The following C3orf52 variants were observed in gnomAD, a reference collection of about 807,000 sequenced individuals.
C3orf52 encodes the protein chromosome 3 open reading frame 52.
Under a neutral mutation model 24.8 loss-of-function variants are expected in C3orf52, and 22 were observed. That is an observed-to-expected ratio of 0.89 (90% confidence interval 0.63 to 1.27). C3orf52 has a LOEUF of 1.27. Ranked by LOEUF, C3orf52 falls within the 50% of genes most tolerant of loss-of-function variation. The probability of loss-of-function intolerance (pLI) is 0.00; values close to 1 mark genes in which losing one functional copy is unlikely to be tolerated. For synonymous variants in C3orf52, 93 were observed against 100.2 expected, an observed-to-expected ratio of 0.93 and a Z score of 0.43; for missense variants, 265 against 260.7, an observed-to-expected ratio of 1.02 and a Z score of -0.11.
At chr3:112,110,285 C>T (rs748937999) in intron 4 of C3orf52, among the ~76,000 whole-genome samples, 1 of 151,616 alleles carries the variant, frequency 6.6e-6, no homozygotes, top group Non-Finnish European at 1.5e-5. Context: ...GCCGAGATTG[C>T]GCCACTGCAC....
At chr3:112,093,609 A>T in intron 2 of C3orf52, 120 bp downstream of exon 2, 1 of 986,710 alleles carries the variant, frequency 1.0e-6, no homozygotes, top group South Asian at 1.8e-5. Flanking sequence ...TGAATTTAAG[A>T]CCGGCTTGGA....
In C3orf52 at chr3:112,093,456, A is replaced by C; in HGVS notation, c.235A>C (p.Thr79Pro). Residue 79 changes from threonine to proline, a missense_variant, in exon 2 of 6, where the codon ACA becomes CCA. Transcript: ENST00000264848. ...CACCTCCATTTTCCTAGGTGTCATTACAGTGATCATCATAGGCTTATGTCT... is the reference window on the plus strand; with the variant it reads ...CACCTCCATTTTCCTAGGTGTCATTCCAGTGATCATCATAGGCTTATGTCT... Reference protein sequence around the residue: ...IITSIFLGVITVIIIGLCLAA... With the variant: ...IITSIFLGVIPVIIIGLCLAA... 1.2e-6 allele frequency: 2 copies of C among 1,613,886 alleles called. No individual in the cohort carries two copies. Among genetic ancestry groups the C allele is most frequent in the South Asian group, 2.2e-5 (2 of 91,070 alleles).
intron 2 of C3orf52, among the ~76,000 whole-genome samples, chr3:112,096,896 CA>C (rs1436437557): frequency 6.6e-6 from 1 of 152,168 alleles, no homozygotes; most frequent in Non-Finnish European, 1.5e-5. Flanking sequence ...TGAAGAATGA[CA>C]AATTCAGGAT....
chr3:112,092,302 G>A (rs1316027435), intron 1 of C3orf52, among the ~76,000 whole-genome samples: 1 of 152,240 alleles, frequency 6.6e-6, no homozygotes, highest in Non-Finnish European at 1.5e-5. Context: ...AAGCCACCTT[G>A]CCTTTAAGTG....
At chr3:112,094,588 T>A (rs1269238201) in intron 2 of C3orf52, among the ~76,000 whole-genome samples, 2 of 152,234 alleles carry the variant, frequency 1.3e-5, no homozygotes, top group Non-Finnish European at 2.9e-5. Flanking sequence ...ATTTTGATAT[T>A]ATGTTTAGAT....
intron 1 of C3orf52, among the ~76,000 whole-genome samples, chr3:112,092,687 A>AC (rs1005687229): frequency 6.6e-6 from 1 of 151,652 alleles, no homozygotes; most frequent in Non-Finnish European, 1.5e-5. Context: ...GTTTTCATTG[A>AC]CCCCTCCTCT....
At chr3:112,086,616 G>T in intron 1 of C3orf52, 71 bp downstream of exon 1, 2 of 1,494,864 alleles carry the variant, frequency 1.3e-6, no homozygotes, top group Non-Finnish European at 1.8e-6. Flanking sequence ...CCTGGCACCC[G>T]CGAGTTTCGG....
intron 4 of C3orf52, chr3:112,112,692 T>C (rs1364263850): frequency 4.6e-6 from 2 of 439,416 alleles, no homozygotes; most frequent in East Asian, 9.9e-5. Context: ...GATGGGCACC[T>C]CTACCTCTAC....
At chr3:112,088,791 T>A (rs2107772468) in intron 1 of C3orf52, among the ~76,000 whole-genome samples, 1 of 152,378 alleles carries the variant, frequency 6.6e-6, no homozygotes, top group Admixed American at 6.5e-5. Flanking sequence ...TTAGGTAATT[T>A]ATAATTAGGC....
At chr3:112,113,891 G>A (rs905593503) in intron 5 of C3orf52, among the ~76,000 whole-genome samples, 1 of 152,158 alleles carries the variant, frequency 6.6e-6, no homozygotes, top group Non-Finnish European at 1.5e-5. Flanking sequence ...GGCCTTTGCT[G>A]CTGATCTCAC....
chr3:112,113,986 A>G (rs940231296), intron 5 of C3orf52, among the ~76,000 whole-genome samples: 7 of 152,206 alleles, frequency 4.6e-5, no homozygotes, highest in African/African-American at 1.7e-4. Flanking sequence ...TCTCATCCAC[A>G]GTCCATCAGA....
intron 5 of C3orf52, among the ~76,000 whole-genome samples, chr3:112,116,298 C>T (rs889008506): frequency 2.0e-5 from 3 of 152,020 alleles, no homozygotes; most frequent in African/African-American, 4.8e-5. Context: ...ATATTTTACA[C>T]GTTTTAAAAA....
Position 112,093,313 on chromosome 3 carries a change from C to T in C3orf52, c.139-47C>T, listed in dbSNP as rs114067758. On this transcript the variant is annotated intron_variant, in intron 1 of 5. Coordinates refer to ENST00000264848, the MANE Select transcript of C3orf52 (RefSeq NM_024616.3). The stretch of plus-strand genomic sequence containing the variant: ...GCACATCCTAGGTATTCAGAACTGT[C>T]TGTTGCAACACAATGACTGCCTCAC... 8.9e-5 allele frequency: 143 copies of T among 1,606,192 alleles called. No individual in the cohort carries two copies. In the African/African-American group the frequency reaches 1.5e-3, roughly 17 times the overall value.
At chr3:112,106,282 C>G (rs2074023999) in intron 3 of C3orf52, among the ~76,000 whole-genome samples, 1 of 151,474 alleles carries the variant, frequency 6.6e-6, no homozygotes, top group East Asian at 1.9e-4. Context: ...TTTCTCCAGA[C>G]AGTTTTCACT....
chr3:112,111,275 C>T (rs535955530), intron 4 of C3orf52, among the ~76,000 whole-genome samples: 2 of 152,268 alleles, frequency 1.3e-5, no homozygotes, highest in South Asian at 4.1e-4. Flanking sequence ...TTCAAGAAGT[C>T]CAGGCAGAGG....
chr3:112,116,608 C>A, intron 5 of C3orf52, 34 bp from the exon 6 acceptor site: 1 of 1,507,198 alleles, frequency 6.6e-7, no homozygotes, highest in South Asian at 1.3e-5. Context: ...TTTTAAAAAT[C>A]AGTAACTTTT....
intron 2 of C3orf52, among the ~76,000 whole-genome samples, chr3:112,098,879 C>T (rs2073948216): frequency 6.6e-6 from 1 of 152,154 alleles, no homozygotes; most frequent in African/African-American, 2.4e-5. Flanking sequence ...TAATCACCTC[C>T]CAAAGGCCCC....
intron 1 of C3orf52, among the ~76,000 whole-genome samples, chr3:112,092,097 C>T (rs2073883804): frequency 6.6e-6 from 1 of 152,010 alleles, no homozygotes; most frequent in African/African-American, 2.4e-5. Context: ...GTGCCGGCTG[C>T]TGCTTTGTGG....
intron 1 of C3orf52, among the ~76,000 whole-genome samples, chr3:112,090,466 T>G (rs1404295109): frequency 6.7e-6 from 1 of 150,202 alleles, no homozygotes; most frequent in Non-Finnish European, 1.5e-5. Context: ...GGCTATTTTT[T>G]TATTTTTATT....
Sources: allele counts gnomAD v4.1 joint callset (sites outside exome capture counted in the v4.1 genomes callset), GRCh38; gene constraint gnomAD v4.1.1; transcripts MANE v1.5; gene names NCBI Gene and HGNC (gene_info 2026-07-23, HGNC 2026-07-21).